The following MMP14 variants were observed in gnomAD, a reference collection of about 807,000 sequenced individuals.
The protein encoded by MMP14 is matrix metallopeptidase 14.
Under a neutral mutation model 64.8 loss-of-function variants are expected in MMP14, and 13 were observed. That is an observed-to-expected ratio of 0.20 (90% CI 0.13 to 0.32). The LOEUF is 0.32. Among genes scored for constraint, MMP14 ranks in the 10% least tolerant of loss-of-function variants. The probability of loss-of-function intolerance (pLI) is 1.00; values close to 1 mark genes in which losing one functional copy is unlikely to be tolerated. For synonymous variants in MMP14, 322 were observed against 315.9 expected (o/e 1.02, Z -0.20); for missense variants, 594 against 783.8 (o/e 0.76, Z 2.89).
rs1192332897 is a variant in MMP14 at position 22,847,116 on chromosome 14, T to C, written c.*1077T>C. ...ACTTGCTCCTGTTGGTCCCTGTCCT[T>C]GCTGCCCAGGCAGCGTGGAGGGGAA... is the stretch of plus-strand genomic sequence containing the variant. On this transcript the variant is annotated 3_prime_UTR_variant, in exon 10 of 10. Coordinates refer to ENST00000311852, the MANE Select transcript of MMP14 (RefSeq NM_004995.4). 6.6e-6 allele frequency: 1 copy of C among 152,610 alleles called. No homozygotes were observed. Among genetic ancestry groups the C allele is most frequent in the Non-Finnish European group, 1.5e-5 (1 of 68,290 alleles). The allele number at this position is 152,610 out of a possible 1,614,324, so 9.5% of individuals were successfully genotyped here.
intron 9 of MMP14, 92 bp downstream of exon 9, chr14:22,845,458 G>T: frequency 9.8e-7 from 1 of 1,025,112 alleles, no homozygotes. Flanking sequence ...GTGCTGTGTG[G>T]AAAACAACGG....
rs954541590 is a variant in MMP14, at chr14:22,842,463, G to A, written c.434G>A (p.Arg145His). ...GAGTATGCCACATACGAGGCCATTC[G>A]CAAGGCGTTCCGCGTGTGGGAGAGT... is the stretch of plus-strand genomic sequence containing the variant. ...VGEYATYEAI[R>H]KAFRVWESAT... Residue 145 changes from arginine to histidine, a missense_variant, in exon 4 of 10, where the codon CGC becomes CAC. This residue lies in a region of MMP14 where 179 missense variants were observed against 283.4 expected (regional missense o/e 0.63). Coordinates refer to ENST00000311852, the MANE Select transcript of MMP14 (RefSeq NM_004995.4). The surrounding 1 kb of genome is among the most constrained non-coding windows in gnomAD (Gnocchi z 5.3). 44 of 1,614,046 alleles carry A rather than the reference G, an allele frequency of 2.7e-5. No homozygotes were observed. The East Asian group carries it at 5.1e-4, about 19-fold the overall frequency.
Position 22,842,194 on chromosome 14 carries a change from T to C in MMP14, c.380+159T>C, listed in dbSNP as rs1456022101. 6.2e-6 allele frequency: 7 copies of C among 1,121,244 alleles called. No individual in the cohort carries two copies. Among genetic ancestry groups the C allele is most frequent in the Non-Finnish European group, 8.9e-6 (7 of 784,704 alleles). The allele number at this position is 1,121,244 out of a possible 1,614,324, so 69.5% of individuals were successfully genotyped here. ...AAATGGCTCTCATCCTTGAGAGAGG[T>C]GTAGCCATCAAGGGTGCACCCCAGT... On this transcript the variant is annotated intron_variant, in intron 3 of 9. Coordinates refer to ENST00000311852, the MANE Select transcript of MMP14 (RefSeq NM_004995.4). This position sits in a 1 kb window ranked among gnomAD's most constrained non-coding sequence, Gnocchi z 5.3.
chr14:22,844,239 G>T, intron 6 of MMP14, 132 bp from the exon 7 acceptor site: 1 of 1,323,506 alleles, frequency 7.6e-7, no homozygotes, highest in South Asian at 1.4e-5. Context: ...TAGGGCGGCT[G>T]GGTGGAAGTG....
chr14:22,836,913 C>T lies in MMP14; in HGVS notation c.96C>T (p.Ser32=). The part of the protein sequence containing the change: ...LASLGSAQSS[S]FSPEAWLQQY... ...CCCTCGGCTCGGCCCAAAGCAGCAG[C>T]TTCAGCCCCGAAGTAAGTGAGCTTC... is the stretch of plus-strand genomic sequence containing the variant. Residue 32 remains serine (S), a synonymous_variant, in exon 1 of 10, where the codon AGC becomes AGT. Coordinates refer to ENST00000311852, the MANE Select transcript of MMP14 (RefSeq NM_004995.4). 6.2e-7 allele frequency: 1 copy of T among 1,613,486 alleles called. No homozygotes were observed. The highest frequency in any genetic ancestry group is 8.5e-7 in the Non-Finnish European group (1 of 1,179,684).
intron 1 of MMP14, among the ~76,000 whole-genome samples, chr14:22,838,195 C>G (rs2039748639): frequency 6.6e-6 from 1 of 152,152 alleles, no homozygotes; most frequent in Non-Finnish European, 1.5e-5. Context: ...CCTGACTGTC[C>G]GGGAGGAGTC....
chr14:22,841,048 C>G (rs918573456), intron 1 of MMP14, among the ~76,000 whole-genome samples: 1 of 152,342 alleles, frequency 6.6e-6, no homozygotes, highest in Admixed American at 6.5e-5. Flanking sequence ...AGGAGGGCCT[C>G]AGGTCAAGCC....
chr14:22,846,829 T>G lies in MMP14; in HGVS notation c.*790T>G, dbSNP rs17884816. ...TGAAACCAGGGGTGCAGCTGTCAGG[T>G]AGGGTGGGGCCGGTGGGAGAGGCCC... On this transcript the variant is annotated 3_prime_UTR_variant, in exon 10 of 10. Transcript: ENST00000311852. The G allele has an allele frequency of 0.087, 13,277 of 152,566 alleles. 830 individuals carry two copies. The highest frequency in any genetic ancestry group is 0.17 in the African/African-American group (7,164 of 41,500). The allele number at this position is 152,566 out of a possible 1,614,324, so 9.5% of individuals were successfully genotyped here. A position where few individuals can be genotyped will look rare whatever the true frequency, so the allele number is the denominator to read the frequency against.
At position 22,842,221 on chromosome 14, in the gene MMP14, C is replaced by G; in HGVS notation, c.380+186C>G. On this transcript the variant is annotated intron_variant, in intron 3 of 9. Transcript: ENST00000311852. This position sits in a 1 kb window ranked among gnomAD's most constrained non-coding sequence, Gnocchi z 5.3. The stretch of plus-strand genomic sequence containing the variant: ...TAGCCATCAAGGGTGCACCCCAGTG[C>G]CAGAGAGCCAGAGCCTGAGGATCCC... 1 of 986,900 alleles carries G rather than the reference C, an allele frequency of 1.0e-6. No individual in the cohort carries two copies. Among genetic ancestry groups the G allele is most frequent in the Non-Finnish European group, 1.5e-6 (1 of 674,548 alleles). 61.1% of individuals were successfully genotyped at this position (986,900 alleles called of 1,614,324 possible).
intron 1 of MMP14, among the ~76,000 whole-genome samples, chr14:22,838,490 C>G (rs999254944): frequency 7.2e-5 from 11 of 152,120 alleles, no homozygotes; most frequent in African/African-American, 2.7e-4. Flanking sequence ...AGCTGGAGGT[C>G]CCCCCACCCT....
intron 1 of MMP14, 173 bp downstream of exon 1, chr14:22,837,098 G>T: frequency 1.4e-6 from 1 of 701,420 alleles, no homozygotes; most frequent in Non-Finnish European, 2.6e-6. Context: ...CTTCCAGATC[G>T]ATCCAACTTT....
At chr14:22,838,148 G>A (rs1229092248) in intron 1 of MMP14, among the ~76,000 whole-genome samples, 1 of 152,194 alleles carries the variant, frequency 6.6e-6, no homozygotes, top group East Asian at 1.9e-4. Context: ...TCAGAGACCA[G>A]GGAGAGTAAA....
In MMP14 at chr14:22,836,938, C is replaced by T. The variant is rs754269639; in HGVS notation, c.108+13C>T. On this transcript the variant is annotated intron_variant, in intron 1 of 9. Transcript: ENST00000311852. ...CTTCAGCCCCGAAGTAAGTGAGCTT[C>T]CCGGCCCTTCCCGGAGTCGCGCCCG... 3 of 1,604,058 alleles carry T rather than the reference C, an allele frequency of 1.9e-6. No individual in the cohort carries two copies. Among genetic ancestry groups the T allele is most frequent in the Non-Finnish European group, 8.5e-7 (1 of 1,173,216 alleles).
Position 22,842,198 on chromosome 14 carries a change from G to T in MMP14, c.380+163G>T. Reference sequence around the variant, plus strand: ...GGCTCTCATCCTTGAGAGAGGTGTAGCCATCAAGGGTGCACCCCAGTGCCA... The same window carrying T: ...GGCTCTCATCCTTGAGAGAGGTGTATCCATCAAGGGTGCACCCCAGTGCCA... On this transcript the variant is annotated intron_variant, in intron 3 of 9. Transcript: ENST00000311852. This position sits in a 1 kb window ranked among gnomAD's most constrained non-coding sequence, Gnocchi z 5.3. 1 of 1,080,082 alleles carries T rather than the reference G, an allele frequency of 9.3e-7. No individual in the cohort carries two copies. Among genetic ancestry groups the T allele is most frequent in the South Asian group, 1.6e-5 (1 of 64,164 alleles). 66.9% of individuals were successfully genotyped at this position (1,080,082 alleles called of 1,614,324 possible).
chr14:22,836,781 A>G lies in MMP14; in HGVS notation c.-37A>G, dbSNP rs1456009373. Reference sequence around the variant, plus strand: ...CCCCAGGGCGTGGGCCCGGCCGCGGAGCCCACACTGCCCGGCTGACCCGGT... The same window carrying G: ...CCCCAGGGCGTGGGCCCGGCCGCGGGGCCCACACTGCCCGGCTGACCCGGT... On this transcript the variant is annotated 5_prime_UTR_variant, in exon 1 of 10. Coordinates refer to ENST00000311852, the MANE Select transcript of MMP14 (RefSeq NM_004995.4). 3 of 1,397,268 alleles carry G rather than the reference A, an allele frequency of 2.1e-6. No individual in the cohort carries two copies. Among genetic ancestry groups the G allele is most frequent in the Admixed American group, 4.1e-5 (2 of 49,304 alleles). 86.6% of individuals were successfully genotyped at this position (1,397,268 alleles called of 1,614,324 possible). A position where few individuals can be genotyped will look rare whatever the true frequency, so the allele number is the denominator to read the frequency against.
chr14:22,840,221 C>T (rs2039763700), intron 1 of MMP14, among the ~76,000 whole-genome samples: 1 of 152,110 alleles, frequency 6.6e-6, no homozygotes, highest in African/African-American at 2.4e-5. Flanking sequence ...CCCGCCTTGG[C>T]CTCCCAAACT....
chr14:22,841,758 G>C, intron 2 of MMP14, 119 bp downstream of exon 2: 1 of 1,547,030 alleles, frequency 6.5e-7, no homozygotes, highest in Non-Finnish European at 8.8e-7. Flanking sequence ...TCATCCCCAC[G>C]TGCTGATCCT....
chr14:22,837,767 C>T (rs931767472), intron 1 of MMP14, among the ~76,000 whole-genome samples: 3 of 152,180 alleles, frequency 2.0e-5, no homozygotes, highest in Admixed American at 1.3e-4. Flanking sequence ...GGCTCGGGCG[C>T]CCCCCACCCT....
chr14:22,838,405 A>C (rs1335833476), intron 1 of MMP14, among the ~76,000 whole-genome samples: 1 of 152,032 alleles, frequency 6.6e-6, no homozygotes, highest in Non-Finnish European at 1.5e-5. Context: ...CCAGTGCCAG[A>C]ACCACCATTT....
Sources: gnomAD v4.1 joint callset for allele counts (sites outside exome capture counted in the v4.1 genomes callset) on GRCh38, gnomAD v4.1.1 for gene constraint, gnomAD v4.1.1 regional missense constraint, Gnocchi (gnomAD v3.1) non-coding constraint, MANE v1.5 for transcripts, NCBI Gene and HGNC (gene_info 2026-07-23, HGNC 2026-07-21) for gene names.